SLC4A4: variants seen among roughly 807,000 people sequenced by gnomAD.
SLC4A4 encodes the protein solute carrier family 4 member 4, also known as electrogenic sodium bicarbonate cotransporter 1.
In SLC4A4, 27 loss-of-function variants were observed where a neutral mutation model predicts 111.5. That is an observed-to-expected ratio of 0.24 (90% CI 0.18 to 0.33). The LOEUF is 0.33. SLC4A4 is among the 10% of genes least tolerant of loss of function. SLC4A4 has a pLI of 1.00. For missense variants in SLC4A4, 909 were observed against 1,315.5 expected (o/e 0.69, Z 4.78); for synonymous variants, 443 against 463.4 (o/e 0.96, Z 0.57).
intron 20 of SLC4A4, 78 bp downstream of exon 20, chr4:71,547,798 A>C (rs763898448): frequency 3.2e-6 from 4 of 1,244,328 alleles, no homozygotes; most frequent in Non-Finnish European, 4.7e-6. Flanking sequence ...GAAATTCCTC[A>C]TGAGATATTT....
At chr4:71,120,429 C>A (rs558545372) in intron 2 of SLC4A4, among the ~76,000 whole-genome samples, 1 of 152,150 alleles carries the variant, frequency 6.6e-6, no homozygotes, top group Non-Finnish European at 1.5e-5. Context: ...GTGGGCCTTG[C>A]GCTTTGATTT....
intron 3 of SLC4A4, among the ~76,000 whole-genome samples, chr4:71,333,060 T>G (rs1728147979): frequency 6.6e-6 from 1 of 152,248 alleles, no homozygotes; most frequent in South Asian, 2.1e-4. Context: ...TTTTCCTAGA[T>G]AGTCTTGATG....
At chr4:71,200,178 G>T (rs1746185583) in intron 1 of SLC4A4, among the ~76,000 whole-genome samples, 1 of 152,150 alleles carries the variant, frequency 6.6e-6, no homozygotes, top group African/African-American at 2.4e-5. Context: ...ACTATGCAGG[G>T]TCTGTGGAAT....
intron 2 of SLC4A4, among the ~76,000 whole-genome samples, chr4:71,101,189 G>A (rs1483989077): frequency 6.6e-6 from 1 of 152,192 alleles, no homozygotes; most frequent in Non-Finnish European, 1.5e-5. Flanking sequence ...AACGCAAGAA[G>A]TGGAGCTTGC....
At chr4:71,126,999 CAT>C (rs1458107881) in intron 2 of SLC4A4, among the ~76,000 whole-genome samples, 2 of 152,200 alleles carry the variant, frequency 1.3e-5, no homozygotes, top group African/African-American at 4.8e-5. Context: ...CTTAACTACA[CAT>C]GGACAGCCTA....
chr4:71,441,925 T>A (rs750369295), intron 8 of SLC4A4, among the ~76,000 whole-genome samples: 1 of 152,214 alleles, frequency 6.6e-6, no homozygotes, highest in Non-Finnish European at 1.5e-5. Flanking sequence ...TTCTGTAACG[T>A]AGCTTTTTGC....
intron 3 of SLC4A4, among the ~76,000 whole-genome samples, chr4:71,326,398 T>G (rs1727505464): frequency 6.6e-6 from 1 of 151,982 alleles, no homozygotes; most frequent in African/African-American, 2.4e-5. Context: ...AGTAATTTGC[T>G]GAACCTCTCT....
intron 2 of SLC4A4, among the ~76,000 whole-genome samples, chr4:71,126,018 T>C (rs1324958125): frequency 6.6e-6 from 1 of 152,208 alleles, no homozygotes; most frequent in East Asian, 1.9e-4. Context: ...TGCCTTTTCA[T>C]GTGATGATTA....
chr4:71,396,504 C>A (rs914427295), intron 6 of SLC4A4, among the ~76,000 whole-genome samples: 1 of 152,198 alleles, frequency 6.6e-6, no homozygotes, highest in Non-Finnish European at 1.5e-5. Context: ...GTTAGAACTT[C>A]GGTGCTTCTT....
At chr4:71,086,221 A>G (rs969916985) in intron 1 of SLC4A4, among the ~76,000 whole-genome samples, 23 of 151,862 alleles carry the variant, frequency 1.5e-4, no homozygotes, top group Admixed American at 7.9e-4. Flanking sequence ...TTATTGGTGT[A>G]TAAGAATGCT....
chr4:71,537,936 G>A (rs368058276), intron 18 of SLC4A4, among the ~76,000 whole-genome samples: 3 of 151,912 alleles, frequency 2.0e-5, no homozygotes, highest in Non-Finnish European at 4.4e-5. Context: ...TTGCTTCTTC[G>A]CGTGGCTGTT....
At chr4:71,316,162 G>A (rs1726659218) in intron 3 of SLC4A4, among the ~76,000 whole-genome samples, 1 of 152,172 alleles carries the variant, frequency 6.6e-6, no homozygotes, top group Non-Finnish European at 1.5e-5. Flanking sequence ...CAGTATCTCA[G>A]TAGGAACTAG....
intron 7 of SLC4A4, among the ~76,000 whole-genome samples, chr4:71,432,573 C>T (rs1723738434): frequency 6.6e-6 from 1 of 152,006 alleles, no homozygotes; most frequent in Non-Finnish European, 1.5e-5. Flanking sequence ...TTGGAAAATT[C>T]CCTACTGCTT....
chr4:71,086,931 G>A (rs1050052761), intron 1 of SLC4A4, among the ~76,000 whole-genome samples: 9 of 152,026 alleles, frequency 5.9e-5, no homozygotes, highest in East Asian at 1.9e-4. Flanking sequence ...AAATGAGTTA[G>A]GGAGGATTCC....
At chr4:71,178,637 C>A (rs928100880) in intron 2 of SLC4A4, among the ~76,000 whole-genome samples, 1 of 152,186 alleles carries the variant, frequency 6.6e-6, no homozygotes, top group Admixed American at 6.5e-5. Flanking sequence ...CCCATACACC[C>A]TCCCAAGACT....
chr4:71,221,381 A>G (rs1718735711), intron 1 of SLC4A4, among the ~76,000 whole-genome samples: 1 of 152,238 alleles, frequency 6.6e-6, no homozygotes. Flanking sequence ...TGTACAAACA[A>G]GTGGCTAGAA....
At position 71,538,110 on chromosome 4, in the gene SLC4A4, T is replaced by C. The variant is rs529951564; in HGVS notation, c.2442+3722T>C. 3.3e-3 allele frequency among the ~76,000 whole-genome samples: 497 copies of C among 152,240 alleles called. 2 individuals carry two copies. Among genetic ancestry groups the C allele is most frequent in the African/African-American group, 0.011 (460 of 41,574 alleles). ...AAATGGTTGTTGACTAATATTTTTATTCTGAAAAAAATTTGTTAACAAATT... is the reference window on the plus strand; with the variant it reads ...AAATGGTTGTTGACTAATATTTTTACTCTGAAAAAAATTTGTTAACAAATT... On this transcript the variant is annotated intron_variant, in intron 18 of 25. Coordinates refer to ENST00000264485, the MANE Select transcript of SLC4A4 (RefSeq NM_001098484.3).
intron 2 of SLC4A4, among the ~76,000 whole-genome samples, chr4:71,129,514 G>T (rs1743646014): frequency 6.6e-6 from 1 of 152,182 alleles, no homozygotes; most frequent in Non-Finnish European, 1.5e-5. Flanking sequence ...TACACTGCTG[G>T]TGGGAATGTA....
intron 3 of SLC4A4, among the ~76,000 whole-genome samples, chr4:71,290,958 G>A (rs1724298991): frequency 6.6e-6 from 1 of 152,198 alleles, no homozygotes; most frequent in Non-Finnish European, 1.5e-5. Context: ...ATAAAAATCA[G>A]ATTCAAATTT....
Sources: allele counts gnomAD v4.1 joint callset (sites outside exome capture counted in the v4.1 genomes callset), GRCh38; gene constraint gnomAD v4.1.1; transcripts MANE v1.5; gene names NCBI Gene and HGNC (gene_info 2026-07-23, HGNC 2026-07-21).